The following KCNN2 variants were observed in gnomAD, a reference collection of about 807,000 sequenced individuals.
The protein encoded by KCNN2 is small conductance calcium-activated potassium channel protein 2.
KCNN2 carries 24 observed loss-of-function variants against 55.5 expected under a neutral mutation model. That is an observed-to-expected ratio of 0.43 (90% confidence interval 0.31 to 0.61). The LOEUF (loss-of-function observed/expected upper bound fraction) is 0.61, where lower values mean the gene tolerates loss of function less well. Among genes scored for constraint, KCNN2 ranks in the 20% least tolerant of loss-of-function variants. KCNN2 has a pLI of 0.08. For synonymous variants in KCNN2, 431 were observed against 336.1 expected (o/e 1.28, Z -3.09); for missense variants, 754 against 853.6 (o/e 0.88, Z 1.45).
chr5:114,319,093 C>T (rs1756564472), intron 2 of KCNN2, among the ~76,000 whole-genome samples: 1 of 152,068 alleles, frequency 6.6e-6, no homozygotes, highest in African/African-American at 2.4e-5. Context: ...GGAATATACT[C>T]ATTCCCACCC....
intron 2 of KCNN2, among the ~76,000 whole-genome samples, chr5:114,249,538 C>T (rs769937774): frequency 2.6e-5 from 4 of 151,956 alleles, no homozygotes; most frequent in Admixed American, 6.6e-5. Flanking sequence ...CTGCCTGCCT[C>T]GGCCTCCCAA....
intron 1 of KCNN2, among the ~76,000 whole-genome samples, chr5:114,069,322 C>T (rs1750518231): frequency 6.6e-6 from 1 of 150,844 alleles, no homozygotes; most frequent in South Asian, 2.1e-4. Context: ...TACCACCCTC[C>T]ATCAGAAAAA....
At chr5:114,278,188 C>G (rs145785444) in intron 2 of KCNN2, among the ~76,000 whole-genome samples, 3,864 of 152,234 alleles carry the variant, frequency 0.025, 167 homozygotes, top group African/African-American at 0.089. Context: ...TGCAGAACAG[C>G]AAATATTGCT....
At chr5:114,391,355 T>A (rs1471969721) in intron 2 of KCNN2, among the ~76,000 whole-genome samples, 2 of 152,190 alleles carry the variant, frequency 1.3e-5, no homozygotes, top group East Asian at 3.8e-4. Context: ...TAATGCATAC[T>A]AATCATGTAA....
At chr5:114,217,359 C>T (rs79591417) in intron 1 of KCNN2, among the ~76,000 whole-genome samples, 2,278 of 152,068 alleles carry the variant, frequency 0.015, 43 homozygotes, top group Admixed American at 0.061. Context: ...TTTAAATCTA[C>T]AGTAATCAAG....
Position 114,150,055 on chromosome 5 carries a change from A to C in KCNN2, c.-270-71425A>C, listed in dbSNP as rs935109928. Among the ~76,000 whole-genome samples, 3 of 152,276 alleles carry C rather than the reference A, an allele frequency of 2.0e-5. No homozygotes were observed. In the South Asian group the frequency reaches 6.2e-4, roughly 32 times the overall value. On this transcript the variant is annotated intron_variant, in intron 1 of 10. Transcript: ENST00000512097. The stretch of plus-strand genomic sequence containing the variant: ...GGTGATGTGAAACCTCCCTGACTGC[A>C]TGTCCGTTCATAGGCTCTCTGCAGG...
intron 3 of KCNN2, among the ~76,000 whole-genome samples, chr5:114,408,944 G>A (rs1354426620): frequency 6.6e-6 from 1 of 152,180 alleles, no homozygotes; most frequent in Non-Finnish European, 1.5e-5. Context: ...AATAAAAGGT[G>A]AAAACTGTTC....
chr5:114,115,105 G>C (rs1258006316), intron 1 of KCNN2, among the ~76,000 whole-genome samples: 1 of 152,048 alleles, frequency 6.6e-6, no homozygotes, highest in African/African-American at 2.4e-5. Context: ...GAATCTCTTT[G>C]CTCTGAATGA....
At chr5:114,466,424 T>TAATGG (rs1761455009) in intron 4 of KCNN2, among the ~76,000 whole-genome samples, 1 of 152,018 alleles carries the variant, frequency 6.6e-6, no homozygotes, top group Non-Finnish European at 1.5e-5. Flanking sequence ...AATTTTCCAA[T>TAATGG]AAAGTAATTG....
intron 3 of KCNN2, among the ~76,000 whole-genome samples, chr5:114,409,103 C>T (rs554811044): frequency 2.6e-5 from 4 of 152,272 alleles, no homozygotes; most frequent in African/African-American, 9.6e-5. Context: ...GCTGAGTGAC[C>T]TCAGGCCAAA....
chr5:114,397,442 A>G (rs1561606513), intron 2 of KCNN2, among the ~76,000 whole-genome samples: 1 of 152,110 alleles, frequency 6.6e-6, no homozygotes, highest in Admixed American at 6.5e-5. Context: ...GCTGGAGTGC[A>G]ATGGTGCTGT....
At chr5:114,173,614 A>G (rs1003140059) in intron 1 of KCNN2, among the ~76,000 whole-genome samples, 14 of 151,910 alleles carry the variant, frequency 9.2e-5, no homozygotes, top group African/African-American at 3.1e-4. Flanking sequence ...TGATTCTTCC[A>G]ATTCATGAAC....
intron 1 of KCNN2, among the ~76,000 whole-genome samples, chr5:114,139,020 C>T (rs1298758396): frequency 2.6e-5 from 4 of 152,036 alleles, no homozygotes; most frequent in Non-Finnish European, 5.9e-5. Flanking sequence ...AGAAGTTATA[C>T]CTGCCCCAAT....
intron 1 of KCNN2, among the ~76,000 whole-genome samples, chr5:114,091,393 A>G (rs1458341367): frequency 6.6e-6 from 1 of 152,188 alleles, no homozygotes; most frequent in Non-Finnish European, 1.5e-5. Context: ...GCTACCTGAA[A>G]TATCCAAATT....
intron 2 of KCNN2, among the ~76,000 whole-genome samples, chr5:114,310,432 C>T (rs970246389): frequency 1.2e-4 from 18 of 152,256 alleles, no homozygotes; most frequent in African/African-American, 4.1e-4. Flanking sequence ...AAATTAAACA[C>T]ATTAAAGTGA....
chr5:114,346,685 T>C (rs1235114009), intron 2 of KCNN2, among the ~76,000 whole-genome samples: 4 of 150,060 alleles, frequency 2.7e-5, no homozygotes, highest in Admixed American at 6.8e-5. Context: ...GTATCTCTGA[T>C]AGCTGAAAGG....
chr5:114,406,208 T>A (rs58502173), intron 3 of KCNN2, among the ~76,000 whole-genome samples: 1 of 151,856 alleles, frequency 6.6e-6, no homozygotes, highest in African/African-American at 2.4e-5. Context: ...GGTAACTGCT[T>A]TTTATAGTTT....
chr5:114,083,358 T>G (rs1186902687), intron 1 of KCNN2, among the ~76,000 whole-genome samples: 1 of 152,098 alleles, frequency 6.6e-6, no homozygotes, highest in Non-Finnish European at 1.5e-5. Flanking sequence ...AGATACATGT[T>G]TTTTTCTTTC....
chr5:114,143,001 C>A (rs1037439261), intron 1 of KCNN2, among the ~76,000 whole-genome samples: 2 of 152,108 alleles, frequency 1.3e-5, no homozygotes, highest in Admixed American at 6.6e-5. Flanking sequence ...GGGCTCTTTC[C>A]TTTTTCCCAG....
Sources: allele counts gnomAD v4.1 joint callset (sites outside exome capture counted in the v4.1 genomes callset), GRCh38; gene constraint gnomAD v4.1.1; transcripts MANE v1.5; gene names NCBI Gene and HGNC (gene_info 2026-07-23, HGNC 2026-07-21).